CNTNAP2: variants seen among roughly 807,000 people sequenced by gnomAD.
The protein encoded by CNTNAP2 is contactin associated protein 2.
Under a neutral mutation model 155.2 loss-of-function variants are expected in CNTNAP2, and 98 were observed. That is an observed-to-expected ratio of 0.63 (90% CI 0.54 to 0.75). The LOEUF (loss-of-function observed/expected upper bound fraction) is 0.75. Ranked by LOEUF, CNTNAP2 falls within the 30% of genes least tolerant of loss-of-function variation. CNTNAP2 has a pLI of 0.00. For missense variants in CNTNAP2, 1,727 were observed against 1,688.1 expected, an observed-to-expected ratio of 1.02 and a Z score of -0.40; for synonymous variants, 651 against 631.2, an observed-to-expected ratio of 1.03 and a Z score of -0.47.
intron 9 of CNTNAP2, among the ~76,000 whole-genome samples, chr7:147,315,731 A>G (rs2692165): frequency 0.49 from 75,083 of 151,722 alleles, 19,821 homozygotes; most frequent in East Asian, 0.73. Context: ...CACCCGCCTC[A>G]GCCTCCCAAA....
chr7:147,784,461 T>C (rs1797703842), intron 13 of CNTNAP2, among the ~76,000 whole-genome samples: 1 of 99,648 alleles, frequency 1.0e-5, no homozygotes, highest in South Asian at 4.0e-4. Context: ...TTCTCAGACA[T>C]ACACATTCTC....
chr7:146,201,845 T>C (rs571850176), intron 1 of CNTNAP2, among the ~76,000 whole-genome samples: 11 of 152,290 alleles, frequency 7.2e-5, no homozygotes, highest in African/African-American at 2.6e-4. Flanking sequence ...CTTCATAATA[T>C]GCCAAGTTAG....
chr7:147,597,779 A>G (rs191853233), intron 12 of CNTNAP2, among the ~76,000 whole-genome samples: 1 of 152,310 alleles, frequency 6.6e-6, no homozygotes, highest in African/African-American at 2.4e-5. Context: ...GGAAATTCAA[A>G]TTTGCAAAGT....
At chr7:147,663,489 TATGACTTCTCTTCACATA>T (rs1486706609) in intron 13 of CNTNAP2, among the ~76,000 whole-genome samples, 1 of 152,254 alleles carries the variant, frequency 6.6e-6, no homozygotes, top group East Asian at 1.9e-4. Flanking sequence ...GAACAGAGTT[TATGACTTCTCTTCACATA>T]AAAGATGACA....
intron 1 of CNTNAP2, among the ~76,000 whole-genome samples, chr7:146,289,575 A>G (rs183940934): frequency 3.9e-5 from 6 of 152,348 alleles, no homozygotes; most frequent in Admixed American, 3.9e-4. Flanking sequence ...GTATAAAATC[A>G]ACAGGTACAA....
In CNTNAP2 at chr7:146,875,951, A is replaced by C. The variant is rs1430082032; in HGVS notation, c.402+36047A>C. ...ATACACAGCAAAAAAAAAAAAAAAA[A>C]AAAAAAAAAACAAAAAACAAAAAAA... On this transcript the variant is annotated intron_variant, in intron 3 of 23. Coordinates refer to ENST00000361727, the MANE Select transcript of CNTNAP2 (RefSeq NM_014141.6). Among the ~76,000 whole-genome samples the C allele has an allele frequency of 1.9e-4, 28 of 147,834 alleles. 1 individual carries two copies. The highest frequency in any genetic ancestry group is 4.7e-4 in the African/African-American group (19 of 40,236).
At chr7:148,196,847 A>C (rs1211438096) in intron 18 of CNTNAP2, among the ~76,000 whole-genome samples, 7 of 152,140 alleles carry the variant, frequency 4.6e-5, no homozygotes, top group African/African-American at 1.7e-4. Flanking sequence ...GGCAATATTC[A>C]AAGAGGCACA....
intron 12 of CNTNAP2, among the ~76,000 whole-genome samples, chr7:147,585,152 T>A (rs1240210984): frequency 1.3e-5 from 2 of 152,100 alleles, no homozygotes. Context: ...ACTATCTCCA[T>A]ATGTCGGTTC....
At chr7:146,245,473 C>T (rs975213913) in intron 1 of CNTNAP2, among the ~76,000 whole-genome samples, 8 of 152,144 alleles carry the variant, frequency 5.3e-5, no homozygotes, top group African/African-American at 7.2e-5. Flanking sequence ...AGCCGCTGCA[C>T]GCAGACATGA....
chr7:146,821,156 C>T (rs1221565681), intron 2 of CNTNAP2, among the ~76,000 whole-genome samples: 1 of 152,090 alleles, frequency 6.6e-6, no homozygotes, highest in Admixed American at 6.6e-5. Context: ...AGCATTTACC[C>T]CATTTACATT....
intron 13 of CNTNAP2, among the ~76,000 whole-genome samples, chr7:147,855,792 A>G (rs2116677088): frequency 6.6e-6 from 1 of 152,300 alleles, no homozygotes; most frequent in Non-Finnish European, 1.5e-5. Flanking sequence ...ACATCTACTA[A>G]TGCCCAGCCC....
At position 146,247,211 on chromosome 7, in the gene CNTNAP2, G is replaced by A. The variant is rs890386606; in HGVS notation, c.97+130238G>A. ...TCATATTTGATGAAAGAGCCTAAAC[G>A]CACACTGATTTGGGAGAGGTCTGAT... On this transcript the variant is annotated intron_variant, in intron 1 of 23. Coordinates refer to ENST00000361727, the MANE Select transcript of CNTNAP2 (RefSeq NM_014141.6). 1.4e-4 allele frequency among the ~76,000 whole-genome samples: 21 copies of A among 152,286 alleles called. No individual in the cohort carries two copies. The East Asian group carries it at 1.5e-3, about 11-fold the overall frequency.
intron 22 of CNTNAP2, among the ~76,000 whole-genome samples, chr7:148,390,531 C>T (rs1001808522): frequency 3.3e-5 from 5 of 152,070 alleles, no homozygotes; most frequent in Admixed American, 2.6e-4. Flanking sequence ...GGGATCTTGG[C>T]AAACCAGGGC....
At chr7:146,843,821 T>C (rs554492741) in intron 3 of CNTNAP2, among the ~76,000 whole-genome samples, 2 of 152,272 alleles carry the variant, frequency 1.3e-5, no homozygotes, top group East Asian at 1.9e-4. Context: ...TAACATTATG[T>C]ATACTGGACT....
intron 1 of CNTNAP2, among the ~76,000 whole-genome samples, chr7:146,465,424 C>T (rs572297231): frequency 6.6e-6 from 1 of 152,252 alleles, no homozygotes; most frequent in African/African-American, 2.4e-5. Context: ...CTTCCTCCAT[C>T]TAAGTTCCAG....
chr7:146,607,566 T>A (rs1799068453), intron 1 of CNTNAP2, among the ~76,000 whole-genome samples: 1 of 152,124 alleles, frequency 6.6e-6, no homozygotes, highest in Non-Finnish European at 1.5e-5. Flanking sequence ...ATTCTCAATC[T>A]CCTGGGCTCA....
intron 1 of CNTNAP2, among the ~76,000 whole-genome samples, chr7:146,363,883 A>G (rs1225842211): frequency 1.3e-5 from 2 of 152,162 alleles, no homozygotes; most frequent in Non-Finnish European, 2.9e-5. Flanking sequence ...CCGAAGAGAA[A>G]ATGATAATGA....
At chr7:147,001,318 G>A (rs930438561) in intron 3 of CNTNAP2, among the ~76,000 whole-genome samples, 1 of 151,772 alleles carries the variant, frequency 6.6e-6, no homozygotes, top group African/African-American at 2.4e-5. Context: ...AGTCTTGCTC[G>A]GCCCTCCTCA....
intron 18 of CNTNAP2, among the ~76,000 whole-genome samples, chr7:148,176,583 G>A (rs1202586918): frequency 6.6e-6 from 1 of 152,050 alleles, no homozygotes; most frequent in East Asian, 1.9e-4. Flanking sequence ...GCTCTCCCAG[G>A]GCTACTTGAA....
Sources: allele counts gnomAD v4.1 joint callset (sites outside exome capture counted in the v4.1 genomes callset), GRCh38; gene constraint gnomAD v4.1.1; transcripts MANE v1.5; gene names NCBI Gene and HGNC (gene_info 2026-07-23, HGNC 2026-07-21).